The following MYO5B variants were observed in gnomAD, a reference collection of about 807,000 sequenced individuals.
MYO5B encodes the protein unconventional myosin-Vb.
In MYO5B, 143 loss-of-function variants were observed where a neutral mutation model predicts 229.3. The ratio of observed to expected loss-of-function variants is 0.62; its 90% CI spans 0.54 to 0.72. The LOEUF (loss-of-function observed/expected upper bound fraction) is 0.72, where lower values mean the gene tolerates loss of function less well. Among genes scored for constraint, MYO5B ranks in the 30% least tolerant of loss-of-function variants. The probability of loss-of-function intolerance (pLI) is 0.00; values close to 1 mark genes in which losing one functional copy is unlikely to be tolerated. For missense variants in MYO5B, 2,321 were observed against 2,331.0 expected (o/e 1.00, Z 0.09); for synonymous variants, 918 against 885.2 (o/e 1.04, Z -0.66).
At chr18:49,864,442 G>GGCCTCCCC (rs2024373225) in intron 27 of MYO5B, 62 bp from the exon 28 acceptor site, 1 of 1,592,962 alleles carries the variant, frequency 6.3e-7, no homozygotes, top group Non-Finnish European at 8.5e-7. Context: ...TCCCTGTGTG[G>GGCCTCCCC]GCCTCCCCTC....
intron 1 of MYO5B, among the ~76,000 whole-genome samples, chr18:50,114,743 A>G (rs946239720): frequency 5.3e-5 from 8 of 152,204 alleles, no homozygotes; most frequent in Non-Finnish European, 1.5e-5. Context: ...GGAGCAGAAC[A>G]GCAATAAAAA....
At chr18:50,070,017 T>TC (rs1226696698) in intron 1 of MYO5B, among the ~76,000 whole-genome samples, 18 of 139,766 alleles carry the variant, frequency 1.3e-4, no homozygotes, top group Non-Finnish European at 2.5e-4. Context: ...TGCAATTTAG[T>TC]CTTTTTTTTT....
intron 1 of MYO5B, chr18:50,097,389 A>G (rs1199388112): frequency 2.4e-6 from 1 of 414,630 alleles, no homozygotes; most frequent in Non-Finnish European, 5.0e-6. Flanking sequence ...TGGTCCATCA[A>G]AAGTCCTCAA....
At chr18:49,855,499 T>C (rs559160341) in intron 30 of MYO5B, among the ~76,000 whole-genome samples, 21 of 152,340 alleles carry the variant, frequency 1.4e-4, no homozygotes, top group Admixed American at 2.6e-4. Context: ...ACAAGGATCC[T>C]TCCTCCAATA....
chr18:49,936,233 A>C lies in MYO5B; in HGVS notation c.2003+19T>G. The C allele has an allele frequency of 6.4e-7, 1 of 1,565,858 alleles. No homozygotes were observed. Among genetic ancestry groups the C allele is most frequent in the Non-Finnish European group, 8.7e-7 (1 of 1,149,878 alleles). On this transcript the variant is annotated intron_variant, in intron 16 of 39. Coordinates refer to ENST00000285039, the MANE Select transcript of MYO5B (RefSeq NM_001080467.3). ...CTCTAAGGCTGGGCTGGACAGGCTA[A>C]TGCCCAGCAGGCACTTACTGAAAGG...
At chr18:49,934,622 C>T (rs2025229691) in intron 16 of MYO5B, among the ~76,000 whole-genome samples, 1 of 152,228 alleles carries the variant, frequency 6.6e-6, no homozygotes, top group Non-Finnish European at 1.5e-5. Flanking sequence ...GAATCTGAGT[C>T]TTTCACACAC....
intron 1 of MYO5B, among the ~76,000 whole-genome samples, chr18:50,072,593 A>G (rs113644559): frequency 1.3e-5 from 2 of 152,330 alleles, no homozygotes; most frequent in Admixed American, 6.5e-5. Context: ...AATAATTCCA[A>G]TCAGATACTC....
At chr18:49,997,425 T>C (rs2026002262) in intron 5 of MYO5B, among the ~76,000 whole-genome samples, 1 of 125,182 alleles carries the variant, frequency 8.0e-6, no homozygotes, top group Non-Finnish European at 1.6e-5. Context: ...TTGCCCAGGC[T>C]GGAGTGCAAT....
At position 49,954,022 on chromosome 18, in the gene MYO5B, ATATGTGTGTGTGTGTG is replaced by A. The variant is rs1399209085; in HGVS notation, c.1668+275_1668+290del. ...CAGACATATATGTGTGTATGTATTTATATGTGTGTGTGTGTGTGTGTGTGTGTGTGTGTGTGTGTGT... is the reference window on the plus strand; with the variant it reads ...CAGACATATATGTGTGTATGTATTTATGTGTGTGTGTGTGTGTGTGTGTGT... On this transcript the variant is annotated intron_variant, in intron 13 of 39. Transcript: ENST00000285039. 2.8e-3 allele frequency among the ~76,000 whole-genome samples: 361 copies of A among 129,896 alleles called. 5 individuals are homozygous for A. Among genetic ancestry groups the A allele is most frequent in the African/African-American group, 7.2e-3 (242 of 33,590 alleles). 85.2% of individuals were successfully genotyped at this position (129,896 alleles called of 152,430 possible). A position where few individuals can be genotyped will look rare whatever the true frequency, so the allele number is the denominator to read the frequency against.
rs76357274 is a variant in MYO5B at position 50,165,857 on chromosome 18, C to T, written c.27+28910G>A. Among the ~76,000 whole-genome samples the T allele has an allele frequency of 1.2e-3, 188 of 152,288 alleles. 1 individual carries two copies. Among genetic ancestry groups the T allele is most frequent in the African/African-American group, 4.3e-3 (180 of 41,568 alleles). ...GAGAAAGAAAGATAAGATAACCTGA[C>T]TGGAAAACCAGGGCTAGATTTTCCT... On this transcript the variant is annotated intron_variant, in intron 1 of 39. Coordinates refer to ENST00000285039, the MANE Select transcript of MYO5B (RefSeq NM_001080467.3).
intron 14 of MYO5B, among the ~76,000 whole-genome samples, chr18:49,951,510 G>T (rs1375802336): frequency 1.3e-5 from 2 of 152,144 alleles, no homozygotes; most frequent in Non-Finnish European, 2.9e-5. Flanking sequence ...ATAAAAATAA[G>T]GGAAAAGCAG....
At position 49,896,697 on chromosome 18, in the gene MYO5B, T is replaced by C. The variant is rs1010906277; in HGVS notation, c.2812-1523A>G. Among the ~76,000 whole-genome samples the C allele has an allele frequency of 8.5e-5, 13 of 152,182 alleles. No individual in the cohort carries two copies. In the South Asian group the frequency reaches 1.0e-3, roughly 12 times the overall value. ...ACAGGAGGCACATCCTATCCTGCTA[T>C]TGACAAAGATGGCACCTCAGGACTC... On this transcript the variant is annotated intron_variant, in intron 21 of 39. Coordinates refer to ENST00000285039, the MANE Select transcript of MYO5B (RefSeq NM_001080467.3).
At chr18:49,879,279 C>T in intron 23 of MYO5B, 189 bp from the exon 24 acceptor site, 1 of 673,244 alleles carries the variant, frequency 1.5e-6, no homozygotes, top group South Asian at 1.8e-5. Context: ...GCTTAGTCTT[C>T]AGAGAGGGAG....
intron 8 of MYO5B, among the ~76,000 whole-genome samples, chr18:49,982,003 T>C (rs2025820957): frequency 6.6e-6 from 1 of 152,160 alleles, no homozygotes; most frequent in South Asian, 2.1e-4. Flanking sequence ...CCATTGAAAG[T>C]GCTAGACAGG....
chr18:50,097,226 C>A (rs1165180906), intron 1 of MYO5B: 1 of 456,636 alleles, frequency 2.2e-6, no homozygotes, highest in Non-Finnish European at 4.4e-6. Flanking sequence ...ACCTCCGCAT[C>A]CCTAGAATTG....
At chr18:50,029,852 T>C (rs1300114929) in intron 4 of MYO5B, among the ~76,000 whole-genome samples, 4 of 152,146 alleles carry the variant, frequency 2.6e-5, no homozygotes, top group Non-Finnish European at 4.4e-5. Flanking sequence ...TACTCCTGCA[T>C]AGCATACCAC....
At chr18:49,928,366 A>G (rs115078125) in intron 17 of MYO5B, among the ~76,000 whole-genome samples, 6,965 of 152,290 alleles carry the variant, frequency 0.046, 401 homozygotes, top group East Asian at 0.15. Flanking sequence ...CATTTGGGCC[A>G]GGCATGGTGG....
chr18:49,880,402 C>T lies in MYO5B; in HGVS notation c.3099G>A (p.Gln1033=), dbSNP rs1217315101. Reference sequence around the variant, plus strand: ...ACTGGCACAGGATTTGGTTGTTGAGCTGTTCTTTCTCATCTTTCAAGAGAG... The same window carrying T: ...ACTGGCACAGGATTTGGTTGTTGAGTTGTTCTTTCTCATCTTTCAAGAGAG... ...ENALLKDEKE[Q]LNNQILCQSK... is the part of the protein sequence containing the mutation. Residue 1033 remains glutamine, a synonymous_variant, in exon 23 of 40, where the codon CAG becomes CAA. Transcript: ENST00000285039. 9 of 1,614,128 alleles carry T rather than the reference C, an allele frequency of 5.6e-6. No homozygotes were observed. The South Asian group carries it at 7.7e-5, about 14-fold the overall frequency.
intron 4 of MYO5B, among the ~76,000 whole-genome samples, chr18:50,029,766 C>G (rs2026368000): frequency 6.6e-6 from 1 of 152,156 alleles, no homozygotes; most frequent in South Asian, 2.1e-4. Context: ...TGCTGAGAAC[C>G]ACAGAGGTCA....
Sources: gnomAD v4.1 joint callset for allele counts (sites outside exome capture counted in the v4.1 genomes callset) on GRCh38, gnomAD v4.1.1 for gene constraint, MANE v1.5 for transcripts, NCBI Gene and HGNC (gene_info 2026-07-23, HGNC 2026-07-21) for gene names.